Variants in SHC4 observed in about 807,000 individuals in gnomAD.
SHC4 encodes SHC-transforming protein 4.
In SHC4, 41 loss-of-function variants were observed where a neutral mutation model predicts 69.4. The observed-to-expected ratio is 0.59, with a 90% CI of 0.46 to 0.77. SHC4 has a LOEUF of 0.77. SHC4 is among the 30% of genes least tolerant of loss of function. The pLI is 0.00. For synonymous variants in SHC4, 318 were observed against 299.3 expected, an observed-to-expected ratio of 1.06 and a Z score of -0.64; for missense variants, 777 against 783.8, an observed-to-expected ratio of 0.99 and a Z score of 0.10.
rs965217806 is a variant in SHC4, at chr15:48,846,952, T to G, written c.1304-3364A>C. On this transcript the variant is annotated intron_variant, in intron 9 of 11. Coordinates refer to ENST00000332408, the MANE Select transcript of SHC4 (RefSeq NM_203349.4). ...ATCGGTGTTTATATCTAGCCTCTCT[T>G]GAAAACTGCCACCTTTAAGCGCACA... is the stretch of plus-strand genomic sequence containing the variant. Among the ~76,000 whole-genome samples the G allele has an allele frequency of 3.3e-5, 5 of 151,286 alleles. No individual in the cohort carries two copies. In the East Asian group the frequency reaches 9.7e-4, roughly 29 times the overall value.
chr15:48,896,480 C>T (rs1900223835), intron 2 of SHC4, among the ~76,000 whole-genome samples: 1 of 152,074 alleles, frequency 6.6e-6, no homozygotes, highest in Admixed American at 6.6e-5. Flanking sequence ...GCCACCATGC[C>T]CGGCTAATTT....
At chr15:48,853,744 C>T (rs1173349052) in intron 8 of SHC4, among the ~76,000 whole-genome samples, 4 of 152,134 alleles carry the variant, frequency 2.6e-5, no homozygotes, top group Non-Finnish European at 5.9e-5. Flanking sequence ...AGGGAAAATA[C>T]TCCCTATTCA....
chr15:48,921,090 T>C (rs972681352), intron 2 of SHC4, among the ~76,000 whole-genome samples: 4 of 152,138 alleles, frequency 2.6e-5, no homozygotes, highest in African/African-American at 9.7e-5. Flanking sequence ...ATAGACAAAA[T>C]GTAGTATAGA....
chr15:48,834,578 T>A (rs777302565), intron 11 of SHC4, among the ~76,000 whole-genome samples, 191 bp downstream of exon 11: 5 of 152,106 alleles, frequency 3.3e-5, no homozygotes, highest in Non-Finnish European at 7.4e-5. Flanking sequence ...CTCTGCTTGA[T>A]ACTCCAGGGT....
intron 11 of SHC4, among the ~76,000 whole-genome samples, chr15:48,833,171 A>G (rs1301041182): frequency 6.6e-6 from 1 of 152,144 alleles, no homozygotes; most frequent in Non-Finnish European, 1.5e-5. Flanking sequence ...CTGGCTTCAT[A>G]CAAGGGAAGA....
At chr15:48,949,182 TAACACGGTGA>T (rs1009165832) in intron 1 of SHC4, among the ~76,000 whole-genome samples, 3 of 151,468 alleles carry the variant, frequency 2.0e-5, no homozygotes, top group African/African-American at 7.3e-5. Context: ...CCATCCTGGC[TAACACGGTGA>T]AACTCCGTCT....
intron 6 of SHC4, among the ~76,000 whole-genome samples, chr15:48,864,436 C>CT (rs35549079): frequency 0.018 from 1,005 of 55,086 alleles, 200 homozygotes; most frequent in African/African-American, 0.061. Flanking sequence ...ATACCACTTT[C>CT]TTTTTTTTTT....
At chr15:48,849,914 T>C (rs1899173835) in intron 9 of SHC4, among the ~76,000 whole-genome samples, 1 of 152,244 alleles carries the variant, frequency 6.6e-6, no homozygotes, top group African/African-American at 2.4e-5. Context: ...CTTAAAATAC[T>C]GCCTTAGGCC....
intron 10 of SHC4, among the ~76,000 whole-genome samples, chr15:48,839,739 T>C (rs1427290204): frequency 6.6e-6 from 1 of 152,244 alleles, no homozygotes. Context: ...AATAAGGATC[T>C]TCATCTAATC....
chr15:48,900,675 A>G (rs1424462714), intron 2 of SHC4, among the ~76,000 whole-genome samples: 3 of 152,092 alleles, frequency 2.0e-5, no homozygotes, highest in Non-Finnish European at 4.4e-5. Flanking sequence ...AGGCAGCAAG[A>G]TCTAATCTAT....
chr15:48,957,008 T>A (rs1188011894), intron 1 of SHC4, among the ~76,000 whole-genome samples: 1 of 144,160 alleles, frequency 6.9e-6, no homozygotes, highest in African/African-American at 2.6e-5. Context: ...GACAGAGTCT[T>A]GCTCTGTCGC....
chr15:48,927,176 A>T (rs1168180026), intron 1 of SHC4, among the ~76,000 whole-genome samples: 2 of 152,242 alleles, frequency 1.3e-5, no homozygotes, highest in East Asian at 3.9e-4. Context: ...CTCCACGTCC[A>T]GGTGGCATGA....
At chr15:48,841,964 T>C (rs183143387) in intron 10 of SHC4, among the ~76,000 whole-genome samples, 3 of 152,340 alleles carry the variant, frequency 2.0e-5, no homozygotes, top group African/African-American at 7.2e-5. Context: ...CCACACTAAC[T>C]GGAAAGCTGT....
At chr15:48,845,868 C>T (rs2413917) in intron 9 of SHC4, among the ~76,000 whole-genome samples, 85,943 of 152,062 alleles carry the variant, frequency 0.57, 25,885 homozygotes, top group Middle Eastern at 0.71. Context: ...TTTTATGATA[C>T]ATGCATATTA....
Position 48,962,773 on chromosome 15 carries a change from G to A in SHC4, c.243C>T (p.Thr81=). 1 of 1,612,878 alleles carries A rather than the reference G, an allele frequency of 6.2e-7. No individual in the cohort carries two copies. Among genetic ancestry groups the A allele is most frequent in the Non-Finnish European group, 8.5e-7 (1 of 1,179,954 alleles). Residue 81 remains threonine (T), a synonymous_variant, in exon 1 of 12, where the codon ACC becomes ACT. Transcript: ENST00000332408. The part of the protein sequence containing the change: ...DATLPSQESP[T]PLCTLIPRMA... ...TGCGGGGGATCAAGGTGCACAGTGG[G>A]GTGGGGCTCTCCTGCGACGGCAAGG... is the stretch of plus-strand genomic sequence containing the variant.
At chr15:48,956,453 C>T (rs971235924) in intron 1 of SHC4, among the ~76,000 whole-genome samples, 4 of 152,134 alleles carry the variant, frequency 2.6e-5, no homozygotes, top group Non-Finnish European at 4.4e-5. Context: ...ATAGAGATGG[C>T]TTAATTTCTG....
At chr15:48,881,278 G>A (rs1223850329) in intron 4 of SHC4, among the ~76,000 whole-genome samples, 2 of 150,640 alleles carry the variant, frequency 1.3e-5, no homozygotes, top group African/African-American at 4.9e-5. Context: ...TAAAAATCTA[G>A]ATTCTTACCT....
At chr15:48,867,065 G>A (rs1219395471) in intron 6 of SHC4, among the ~76,000 whole-genome samples, 1 of 152,196 alleles carries the variant, frequency 6.6e-6, no homozygotes, top group Non-Finnish European at 1.5e-5. Context: ...CAGCGAGTAA[G>A]AGAAACAGGT....
chr15:48,897,530 A>G (rs185928255), intron 2 of SHC4, among the ~76,000 whole-genome samples: 3,842 of 147,884 alleles, frequency 0.026, 232 homozygotes, highest in East Asian at 0.16. Flanking sequence ...ACACACACAC[A>G]CACGCACACA....
Sources: allele counts gnomAD v4.1 joint callset (sites outside exome capture counted in the v4.1 genomes callset), GRCh38; gene constraint gnomAD v4.1.1; transcripts MANE v1.5; gene names NCBI Gene and HGNC (gene_info 2026-07-23, HGNC 2026-07-21).